RSPO2: variants seen among roughly 807,000 people sequenced by gnomAD.
RSPO2 encodes R-spondin 2.
A neutral mutation model predicts 30.9 loss-of-function variants in RSPO2; 14 were observed. That is an observed-to-expected ratio of 0.45 (90% confidence interval 0.30 to 0.71). The LOEUF (loss-of-function observed/expected upper bound fraction) is 0.71. RSPO2 is among the 30% of genes least tolerant of loss of function. RSPO2 has a pLI of 0.08. For synonymous variants in RSPO2, 107 were observed against 96.4 expected (o/e 1.11, Z -0.64); for missense variants, 264 against 301.9 (o/e 0.87, Z 0.93).
intron 2 of RSPO2, among the ~76,000 whole-genome samples, chr8:108,081,666 C>A (rs1813201611): frequency 6.6e-6 from 1 of 152,156 alleles, no homozygotes; most frequent in South Asian, 2.1e-4. Context: ...GAAATACGCA[C>A]TAAATCTGCA....
chr8:108,057,537 C>T lies in RSPO2; in HGVS notation c.94+25008G>A, dbSNP rs543087473. On this transcript the variant is annotated intron_variant, in intron 2 of 5. Transcript: ENST00000276659. The stretch of plus-strand genomic sequence containing the variant: ...TACTACCTGCTTCCAAGACAAACAC[C>T]TAAATGTCTCAACTATGCAGGGGGT... 7.2e-5 allele frequency among the ~76,000 whole-genome samples: 11 copies of T among 152,250 alleles called. No homozygotes were observed. The South Asian group carries it at 1.2e-3, about 17-fold the overall frequency.
rs529166358 is a variant in RSPO2 at position 108,083,378 on chromosome 8, G to A, written c.-351C>T. 4 of 152,388 alleles carry A rather than the reference G, an allele frequency of 2.6e-5. No homozygotes were observed. The highest frequency in any genetic ancestry group is 2.6e-4 in the Admixed American group (4 of 15,310). The allele number at this position is 152,388 out of a possible 1,614,324, so 9.4% of individuals were successfully genotyped here. The stretch of plus-strand genomic sequence containing the variant: ...GTTGGCGACGCCAGGCAGGAGCGCG[G>A]AGCGGCGGGTGCAGCCACTGGGATG... On this transcript the variant is annotated 5_prime_UTR_variant, in exon 1 of 6. Transcript: ENST00000276659.
At chr8:107,987,337 A>G (rs1014312659) in intron 3 of RSPO2, among the ~76,000 whole-genome samples, 11 of 152,168 alleles carry the variant, frequency 7.2e-5, no homozygotes, top group African/African-American at 2.6e-4. Flanking sequence ...TCTTAAAGCA[A>G]TCTCTTTAGT....
chr8:107,918,376 A>G (rs1201488020), intron 5 of RSPO2, among the ~76,000 whole-genome samples: 5 of 152,274 alleles, frequency 3.3e-5, no homozygotes, highest in South Asian at 2.1e-4. Flanking sequence ...ATGGGACACC[A>G]TTGGAGAAAC....
At chr8:107,926,079 T>C (rs1323883559) in intron 5 of RSPO2, among the ~76,000 whole-genome samples, 2 of 152,154 alleles carry the variant, frequency 1.3e-5, no homozygotes, top group Admixed American at 1.3e-4. Context: ...GTTTCCTGAC[T>C]TTTTAATGAC....
intron 5 of RSPO2, among the ~76,000 whole-genome samples, chr8:107,909,259 GTT>G (rs11292252): frequency 3.4e-4 from 31 of 91,586 alleles, no homozygotes; most frequent in African/African-American, 3.8e-4. Context: ...TTTCCCAGTT[GTT>G]TTTTTTTTTT....
chr8:108,034,929 C>T (rs17320351), intron 2 of RSPO2, among the ~76,000 whole-genome samples: 2 of 152,160 alleles, frequency 1.3e-5, no homozygotes, highest in Non-Finnish European at 1.5e-5. Context: ...ATATTACCAA[C>T]TGTTTTCCCT....
In RSPO2 at chr8:108,039,862, T is replaced by A. The variant is rs577409975; in HGVS notation, c.94+42683A>T. Among the ~76,000 whole-genome samples, 9 of 152,220 alleles carry A rather than the reference T, an allele frequency of 5.9e-5. No homozygotes were observed. In the South Asian group the frequency reaches 1.7e-3, roughly 28 times the overall value. On this transcript the variant is annotated intron_variant, in intron 2 of 5. Transcript: ENST00000276659. ...TCAGGTCATGAAGGTAGATCTCTCA[T>A]GAATGGGATTAGTGCCCTTAGAAGA...
intron 2 of RSPO2, among the ~76,000 whole-genome samples, chr8:108,015,922 A>G (rs947472822): frequency 1.1e-4 from 17 of 152,188 alleles, no homozygotes; most frequent in Non-Finnish European, 2.1e-4. Flanking sequence ...CACCTATGAT[A>G]ACTTTTGAAG....
intron 3 of RSPO2, among the ~76,000 whole-genome samples, chr8:107,988,426 G>T (rs538480543): frequency 1.1e-4 from 16 of 143,516 alleles, no homozygotes; most frequent in South Asian, 8.8e-4. Context: ...TTCCTTTGTG[G>T]TTTTTTTTTT....
intron 2 of RSPO2, among the ~76,000 whole-genome samples, chr8:108,011,777 G>C (rs1363902714): frequency 6.6e-6 from 1 of 152,158 alleles, no homozygotes; most frequent in Admixed American, 6.5e-5. Context: ...AAGAGTTACT[G>C]TCTCTTTAAA....
At chr8:107,977,571 C>G (rs566062092) in intron 3 of RSPO2, among the ~76,000 whole-genome samples, 1 of 152,114 alleles carries the variant, frequency 6.6e-6, no homozygotes, top group East Asian at 1.9e-4. Context: ...GGGTCATGAC[C>G]AATAAAAAAC....
chr8:108,017,499 CA>C (rs1235298930), intron 2 of RSPO2, among the ~76,000 whole-genome samples: 1 of 152,072 alleles, frequency 6.6e-6, no homozygotes, highest in African/African-American at 2.4e-5. Flanking sequence ...TCTTCCATAG[CA>C]GCAATTCAGT....
intron 2 of RSPO2, among the ~76,000 whole-genome samples, chr8:108,008,770 A>G (rs1810588876): frequency 1.3e-5 from 2 of 150,322 alleles, no homozygotes; most frequent in Admixed American, 6.6e-5. Flanking sequence ...AAGGCTATCT[A>G]AAAAGGTCAT....
chr8:107,961,743 A>G (rs1206294234), intron 3 of RSPO2, among the ~76,000 whole-genome samples: 4 of 152,160 alleles, frequency 2.6e-5, no homozygotes, highest in Non-Finnish European at 1.5e-5. Context: ...GTTTTGTAAT[A>G]ATATATGTAA....
At chr8:107,933,997 C>G (rs1339791108) in intron 5 of RSPO2, among the ~76,000 whole-genome samples, 2 of 152,028 alleles carry the variant, frequency 1.3e-5, no homozygotes, top group Admixed American at 1.3e-4. Flanking sequence ...AAAGACAATT[C>G]ACAAAAAAAT....
At chr8:107,977,818 AAGC>A (rs1814271185) in intron 3 of RSPO2, among the ~76,000 whole-genome samples, 1 of 152,104 alleles carries the variant, frequency 6.6e-6, no homozygotes, top group African/African-American at 2.4e-5. Context: ...GCATCCTGGT[AAGC>A]ATTTAAGCAT....
In RSPO2 at chr8:107,934,298, A is replaced by C. The variant is rs201090071; in HGVS notation, c.616+23782T>G. Among the ~76,000 whole-genome samples, 145 of 152,312 alleles carry C rather than the reference A, an allele frequency of 9.5e-4. 2 individuals carry two copies. In the East Asian group the frequency reaches 0.025, roughly 26 times the overall value. The stretch of plus-strand genomic sequence containing the variant: ...AATAATCCAAAATACAGAATGTACT[A>C]AAATCTTTAAAAAGTTTAGGTATGC... On this transcript the variant is annotated intron_variant, in intron 5 of 5. Transcript: ENST00000276659.
At chr8:108,040,465 C>T (rs919835840) in intron 2 of RSPO2, among the ~76,000 whole-genome samples, 1 of 152,012 alleles carries the variant, frequency 6.6e-6, no homozygotes, top group Non-Finnish European at 1.5e-5. Context: ...AGGCAGGCTT[C>T]GGAATAGTAA....
Sources: allele counts gnomAD v4.1 joint callset (sites outside exome capture counted in the v4.1 genomes callset), GRCh38; gene constraint gnomAD v4.1.1; transcripts MANE v1.5; gene names NCBI Gene and HGNC (gene_info 2026-07-23, HGNC 2026-07-21).